MEGF8: variants seen among roughly 807,000 people sequenced by gnomAD.
MEGF8 encodes the protein multiple EGF like domains 8.
In MEGF8, 156 loss-of-function variants were observed where a neutral mutation model predicts 302.9. The ratio of observed to expected loss-of-function variants is 0.52; its 90% confidence interval spans 0.45 to 0.59. MEGF8 has a LOEUF of 0.59. Among genes scored for constraint, MEGF8 ranks in the 20% least tolerant of loss-of-function variants. The pLI is 0.00. For synonymous variants in MEGF8, 1,621 were observed against 1,660.5 expected (o/e 0.98, Z 0.58); for missense variants, 3,345 against 3,964.5 (o/e 0.84, Z 4.20).
At chr19:42,337,061 A>C (rs772318146) in intron 7 of MEGF8, 23 bp from the exon 8 acceptor site, 2 of 1,613,538 alleles carry the variant, frequency 1.2e-6, no homozygotes, top group Non-Finnish European at 1.7e-6. Context: ...CTTGCCAGCT[A>C]TGCCCCTTTC....
intron 38 of MEGF8, 53 bp from the exon 39 acceptor site, chr19:42,370,136 C>G: frequency 6.4e-7 from 1 of 1,557,138 alleles, no homozygotes. Context: ...CCAACGCCCT[C>G]CTACCCCTGA....
chr19:42,369,487 G>T lies in MEGF8; in HGVS notation c.6642-44G>T. 1 of 1,574,792 alleles carries T rather than the reference G, an allele frequency of 6.4e-7. No individual in the cohort carries two copies. On this transcript the variant is annotated intron_variant, in intron 37 of 41. Transcript: ENST00000251268. This position sits in a 1 kb window ranked among gnomAD's most constrained non-coding sequence, Gnocchi z 5.7. ...GTTGGGTGCTAGGCCATGAAGCCAC[G>T]AGGAGGGTGGCCACCTGCCCTGACC... is the stretch of plus-strand genomic sequence containing the variant.
intron 32 of MEGF8, 90 bp from the exon 33 acceptor site, chr19:42,362,000 T>C: frequency 6.5e-7 from 1 of 1,540,322 alleles, no homozygotes; most frequent in African/African-American, 1.4e-5. Flanking sequence ...CAGCTTGGGA[T>C]GCAGGGTTGG....
chr19:42,330,803 T>A, intron 1 of MEGF8, among the ~76,000 whole-genome samples: 1 of 152,058 alleles, frequency 6.6e-6, no homozygotes, highest in Non-Finnish European at 1.5e-5. Flanking sequence ...AGAGGGGGCA[T>A]CTAACCCAGC....
chr19:42,366,548 C>T (rs1371158811), intron 35 of MEGF8, among the ~76,000 whole-genome samples: 1 of 152,166 alleles, frequency 6.6e-6, no homozygotes, highest in Non-Finnish European at 1.5e-5. Flanking sequence ...GGGCAGGCAG[C>T]GGAGACACTC....
chr19:42,335,405 C>T lies in MEGF8; in HGVS notation c.828+20C>T. 1.9e-6 allele frequency: 3 copies of T among 1,607,066 alleles called. No homozygotes were observed. The highest frequency in any genetic ancestry group is 2.6e-6 in the Non-Finnish European group (3 of 1,173,782). On this transcript the variant is annotated intron_variant, in intron 5 of 41. Transcript: ENST00000251268. Reference sequence around the variant, plus strand: ...GCCCCGGTATGGACCCCTCCTCTGCCCTGGAGGAGCCTTTCCACTCAATCA... The same window carrying T: ...GCCCCGGTATGGACCCCTCCTCTGCTCTGGAGGAGCCTTTCCACTCAATCA...
Position 42,349,712 on chromosome 19 carries a change from G to T in MEGF8, c.2499+13G>T. Reference sequence around the variant, plus strand: ...GCCAGGAGGCAGCGTGAGTACCCAGGACCTACCTCCAACCCTAGCCGCAGG... The same window carrying T: ...GCCAGGAGGCAGCGTGAGTACCCAGTACCTACCTCCAACCCTAGCCGCAGG... On this transcript the variant is annotated intron_variant, in intron 14 of 41. Transcript: ENST00000251268. The T allele has an allele frequency of 6.2e-7, 1 of 1,607,316 alleles. No individual in the cohort carries two copies. Among genetic ancestry groups the T allele is most frequent in the South Asian group, 1.1e-5 (1 of 91,020 alleles).
In MEGF8 at chr19:42,376,416, C is replaced by T. The variant is rs773723714; in HGVS notation, c.8179C>T (p.Arg2727Cys). 15 of 1,612,468 alleles carry T rather than the reference C, an allele frequency of 9.3e-6. No individual in the cohort carries two copies. The highest frequency in any genetic ancestry group is 2.7e-5 in the African/African-American group (2 of 74,934). ...PAGLPPPAFR[R>C]SEPFLAPLLL... ...TGGGCTCCCACCTCCCGCCTTCCGCCGCTCTGAGCCCTTCCTGGCACCCCT... is the reference window on the plus strand; with the variant it reads ...TGGGCTCCCACCTCCCGCCTTCCGCTGCTCTGAGCCCTTCCTGGCACCCCT... The change falls in exon 42 of 42, where the codon CGC (arginine) becomes TGC (cysteine). Residue 2727 changes from arginine to cysteine, a missense_variant. Transcript: ENST00000251268. This position sits in a 1 kb window ranked among gnomAD's most constrained non-coding sequence, Gnocchi z 8.2.
rs767128482 is a variant in MEGF8, at chr19:42,358,528, CCT to C, written c.5175+222_5175+223del. ...AGGCATGAGTTCTGCCCAGCTCTCCCCTGAGTCTTGGTGCGGCCCTGGCAGGC... is the reference window on the plus strand; with the variant it reads ...AGGCATGAGTTCTGCCCAGCTCTCCCGAGTCTTGGTGCGGCCCTGGCAGGC... On this transcript the variant is annotated intron_variant, in intron 29 of 41. Coordinates refer to ENST00000251268, the MANE Select transcript of MEGF8 (RefSeq NM_001271938.2). The surrounding 1 kb of genome is among the most constrained non-coding windows in gnomAD (Gnocchi z 4.4). Among the ~76,000 whole-genome samples the C allele has an allele frequency of 6.6e-6, 1 of 152,192 alleles. No homozygotes were observed. The highest frequency in any genetic ancestry group is 2.4e-5 in the African/African-American group (1 of 41,444).
At chr19:42,348,513 A>T in intron 13 of MEGF8, 41 bp downstream of exon 13, 2 of 1,471,606 alleles carry the variant, frequency 1.4e-6, no homozygotes, top group Non-Finnish European at 1.8e-6. Flanking sequence ...TTTATGGTAA[A>T]TAGGGAGTTA....
rs11882801 is a variant in MEGF8 at position 42,371,809 on chromosome 19, A to T, written c.7269+327A>T. ...ACCGAAAAAAGAAAATGGGCTGGGC[A>T]TGGTTGCTCATGTCTGTAATCCCAG... On this transcript the variant is annotated intron_variant, in intron 41 of 41. Transcript: ENST00000251268. Among the ~76,000 whole-genome samples, 3,381 of 152,202 alleles carry T rather than the reference A, an allele frequency of 0.022. 134 individuals carry two copies. Among genetic ancestry groups the T allele is most frequent in the African/African-American group, 0.076 (3,135 of 41,508 alleles).
intron 8 of MEGF8, among the ~76,000 whole-genome samples, chr19:42,341,449 A>AAC (rs1235775905): frequency 2.0e-5 from 3 of 150,962 alleles, no homozygotes; most frequent in Admixed American, 6.6e-5. Flanking sequence ...AAAAAAAAAA[A>AAC]ACACACATAA....
At position 42,368,321 on chromosome 19, in the gene MEGF8, T is replaced by C; in HGVS notation, c.6274-134T>C. ...TGATGACCCCAGCTAGTGTCCACTT[T>C]GCTCTACCTGTGGCCAGGGAGGGGT... On this transcript the variant is annotated intron_variant, in intron 35 of 41. Coordinates refer to ENST00000251268, the MANE Select transcript of MEGF8 (RefSeq NM_001271938.2). This position sits in a 1 kb window ranked among gnomAD's most constrained non-coding sequence, Gnocchi z 4.9. 1.4e-6 allele frequency: 1 copy of C among 727,066 alleles called. No homozygotes were observed. Among genetic ancestry groups the C allele is most frequent in the Non-Finnish European group, 2.2e-6 (1 of 444,858 alleles). 45.0% of individuals were successfully genotyped at this position (727,066 alleles called of 1,614,324 possible).
At chr19:42,343,906 C>T (rs2039249820) in intron 9 of MEGF8, 48 bp from the exon 10 acceptor site, 1 of 1,591,852 alleles carries the variant, frequency 6.3e-7, no homozygotes, top group Admixed American at 1.7e-5. Context: ...TGAGAGGCCT[C>T]CTCCTCCGTC....
chr19:42,339,782 G>A (rs917565439), intron 8 of MEGF8, among the ~76,000 whole-genome samples: 2 of 152,168 alleles, frequency 1.3e-5, no homozygotes, highest in African/African-American at 4.8e-5. Context: ...CTTAAGGCCG[G>A]GTGCAGTGGC....
chr19:42,335,191 C>T lies in MEGF8; in HGVS notation c.715C>T (p.Pro239Ser). The T allele has an allele frequency of 6.2e-7, 1 of 1,613,986 alleles. No homozygotes were observed. The highest frequency in any genetic ancestry group is 8.5e-7 in the Non-Finnish European group (1 of 1,179,884). ...IGAAGAFLSP[P>S]GLLAVFGGQD... ...GGCAGCTGGCGCCTTCCTGTCCCCA[C>T]CAGGGCTGCTGGCAGTTTTCGGAGG... Residue 239 changes from proline (P) to serine (S), a missense_variant, in exon 4 of 42, where the codon CCA (proline) becomes TCA (serine). Coordinates refer to ENST00000251268, the MANE Select transcript of MEGF8 (RefSeq NM_001271938.2).
chr19:42,342,569 A>G (rs1249726584), intron 8 of MEGF8, among the ~76,000 whole-genome samples: 2 of 151,962 alleles, frequency 1.3e-5, no homozygotes, highest in Non-Finnish European at 2.9e-5. Context: ...CCCGGGAGAC[A>G]GAGCTTGCAG....
At chr19:42,338,702 G>C (rs527715640) in intron 8 of MEGF8, among the ~76,000 whole-genome samples, 1 of 151,648 alleles carries the variant, frequency 6.6e-6, no homozygotes, top group African/African-American at 2.4e-5. Context: ...GTCTGCTGAG[G>C]ATAAGGGCCT....
Position 42,335,007 on chromosome 19 carries a change from C to T in MEGF8, c.559-28C>T, listed in dbSNP as rs372141476. 3.8e-6 allele frequency: 6 copies of T among 1,586,672 alleles called. No homozygotes were observed. In the East Asian group the frequency reaches 1.1e-4, roughly 30 times the overall value. On this transcript the variant is annotated intron_variant, in intron 3 of 41. Coordinates refer to ENST00000251268, the MANE Select transcript of MEGF8 (RefSeq NM_001271938.2). ...CTGTCCTTGTCTCTCCCTCTCTTAT[C>T]TCTGCCTTTATGTCTCCTTTCCCGC...
Sources: allele counts gnomAD v4.1 joint callset (sites outside exome capture counted in the v4.1 genomes callset), GRCh38; gene constraint gnomAD v4.1.1; non-coding constraint Gnocchi (gnomAD v3.1); transcripts MANE v1.5; gene names NCBI Gene and HGNC (gene_info 2026-07-23, HGNC 2026-07-21).